The following ARHGEF10 variants were observed in gnomAD, a reference collection of about 807,000 sequenced individuals.
ARHGEF10 encodes the protein Rho guanine nucleotide exchange factor (GEF) 10.
ARHGEF10 carries 140 observed loss-of-function variants against 147.4 expected under a neutral mutation model. The observed-to-expected ratio is 0.95, with a 90% CI of 0.83 to 1.09. The LOEUF (loss-of-function observed/expected upper bound fraction) is 1.09, where lower values mean the gene tolerates loss of function less well. Among genes scored for constraint, ARHGEF10 ranks in the 50% least tolerant of loss-of-function variants. ARHGEF10 has a pLI of 0.00. For missense variants in ARHGEF10, 2,222 were observed against 1,752.7 expected, an observed-to-expected ratio of 1.27 and a Z score of -4.78; for synonymous variants, 902 against 695.8, an observed-to-expected ratio of 1.30 and a Z score of -4.67.
intron 11 of ARHGEF10, among the ~76,000 whole-genome samples, chr8:1,888,176 A>G (rs1336721488): frequency 1.5e-5 from 1 of 65,502 alleles, no homozygotes; most frequent in African/African-American, 1.2e-4. Flanking sequence ...GGAGACAGTG[A>G]GTGGGGTGAG....
rs116509399 is a variant in ARHGEF10 at position 1,883,723 on chromosome 8, G to A, written c.1075+974G>A. ...GTGCAGTAGTATCATGCCCTGATGA[G>A]GTGCCATGAGGTGCTCAGGGCAGCA... On this transcript the variant is annotated intron_variant, in intron 10 of 28. Transcript: ENST00000349830. Among the ~76,000 whole-genome samples, 386 of 152,236 alleles carry A rather than the reference G, an allele frequency of 2.5e-3. 4 individuals are homozygous for A. The highest frequency in any genetic ancestry group is 9.1e-3 in the African/African-American group (377 of 41,546).
chr8:1,860,257 T>C (rs1805995371), intron 4 of ARHGEF10, 73 bp downstream of exon 4: 1 of 1,502,974 alleles, frequency 6.7e-7, no homozygotes, highest in Non-Finnish European at 9.1e-7. Context: ...CGAAGTGGCC[T>C]GTGGTTCCCT....
At chr8:1,932,707 A>G (rs1446790892) in intron 25 of ARHGEF10, among the ~76,000 whole-genome samples, 1 of 152,248 alleles carries the variant, frequency 6.6e-6, no homozygotes, top group Admixed American at 6.5e-5. Context: ...TTATAACTAA[A>G]AGTATGCCAC....
At chr8:1,844,566 G>T (rs1804398655) in intron 2 of ARHGEF10, among the ~76,000 whole-genome samples, 1 of 150,560 alleles carries the variant, frequency 6.6e-6, no homozygotes, top group African/African-American at 2.5e-5. Flanking sequence ...AGGCCTGGAA[G>T]TCCAGCTCCT....
chr8:1,954,259 A>T (rs571351087), intron 28 of ARHGEF10, among the ~76,000 whole-genome samples: 44 of 152,094 alleles, frequency 2.9e-4, no homozygotes, highest in African/African-American at 1.1e-3. Context: ...ATGCCTGGCT[A>T]ATTTTTGTAT....
At chr8:1,845,863 C>T (rs1585245519) in intron 2 of ARHGEF10, among the ~76,000 whole-genome samples, 2 of 152,310 alleles carry the variant, frequency 1.3e-5, no homozygotes, top group Admixed American at 6.5e-5. Context: ...CTGATGGAGG[C>T]AGGACTGGGG....
In ARHGEF10 at chr8:1,929,313, C is replaced by A. The variant is rs1472608716; in HGVS notation, c.2949C>A (p.Gly983=). 6.2e-7 allele frequency: 1 copy of A among 1,614,140 alleles called. No individual in the cohort carries two copies. Among genetic ancestry groups the A allele is most frequent in the South Asian group, 1.1e-5 (1 of 91,082 alleles). ...TTTCCATTTATAAAAGCAGTCAAGG[C>A]TCCAAGAAAGTGAGACTTCAGCACT... ...GSISIYKSSQ[G]SKKVRLQHFF... The change falls in exon 25 of 29, where the codon GGC becomes GGA. Residue 983 remains glycine, a synonymous_variant. Coordinates refer to ENST00000349830, the MANE Select transcript of ARHGEF10 (RefSeq NM_014629.4).
chr8:1,956,793 T>G lies in ARHGEF10; in HGVS notation c.3565T>G (p.Phe1189Val). The G allele has an allele frequency of 6.2e-7, 1 of 1,614,024 alleles. No individual in the cohort carries two copies. The highest frequency in any genetic ancestry group is 2.2e-5 in the East Asian group (1 of 44,850). Residue 1189 changes from phenylalanine to valine, a missense_variant, in exon 29 of 29, where the codon TTC becomes GTC. Transcript: ENST00000349830. ...CCATGCACACAACAGTCCTGTCAAA[T>G]TCATCGTCCTGGCCACGGCTCTGCA... is the stretch of plus-strand genomic sequence containing the variant. ...SYHAHNSPVKFIVLATALHEK... is the reference protein window; with the variant it reads ...SYHAHNSPVKVIVLATALHEK...
At chr8:1,909,704 G>C (rs181561246) in intron 18 of ARHGEF10, among the ~76,000 whole-genome samples, 126 of 152,324 alleles carry the variant, frequency 8.3e-4, no homozygotes, top group African/African-American at 2.9e-3. Context: ...GGTTCGGGCC[G>C]TGCACCTGGC....
At chr8:1,889,766 A>T (rs140533549) in intron 11 of ARHGEF10, among the ~76,000 whole-genome samples, 5 of 127,796 alleles carry the variant, frequency 3.9e-5, no homozygotes, top group Non-Finnish European at 6.4e-5. Flanking sequence ...GAGGGTTGTG[A>T]GGAGACACTG....
rs1812483808 is a variant in ARHGEF10 at position 1,923,886 on chromosome 8, C to G, written c.2488+12C>G. The G allele has an allele frequency of 6.2e-7, 1 of 1,612,518 alleles. No homozygotes were observed. The highest frequency in any genetic ancestry group is 2.2e-5 in the East Asian group (1 of 44,862). Reference sequence around the variant, plus strand: ...CAAGCTCGCCCTAGGTAAGGCCTGGCTGGCTGAGGCTGAATGAGGCATGCG... The same window carrying G: ...CAAGCTCGCCCTAGGTAAGGCCTGGGTGGCTGAGGCTGAATGAGGCATGCG... On this transcript the variant is annotated intron_variant, in intron 21 of 28. Transcript: ENST00000349830.
intron 15 of ARHGEF10, among the ~76,000 whole-genome samples, chr8:1,902,688 C>G (rs1001719410): frequency 2.0e-4 from 30 of 152,070 alleles, no homozygotes; most frequent in African/African-American, 7.2e-4. Flanking sequence ...CGGCCACAGT[C>G]GCAGGAGGGC....
intron 15 of ARHGEF10, among the ~76,000 whole-genome samples, chr8:1,901,681 C>T (rs1810474831): frequency 6.6e-6 from 1 of 152,258 alleles, no homozygotes; most frequent in Non-Finnish European, 1.5e-5. Flanking sequence ...TGTCGGACTC[C>T]ACCCTGTGCT....
At chr8:1,883,674 C>A (rs140670864) in intron 10 of ARHGEF10, among the ~76,000 whole-genome samples, 1 of 152,076 alleles carries the variant, frequency 6.6e-6, no homozygotes, top group African/African-American at 2.4e-5. Context: ...GTGATGGAGA[C>A]GGGCAGGTGC....
chr8:1,956,914 G>A lies in ARHGEF10; in HGVS notation c.3686G>A (p.Gly1229Asp), dbSNP rs144877159. 5.0e-6 allele frequency: 8 copies of A among 1,614,138 alleles called. No individual in the cohort carries two copies. Among genetic ancestry groups the A allele is most frequent in the Non-Finnish European group, 6.8e-6 (8 of 1,180,026 alleles). ...GACGCACTTCCGAGTGGAGGAGCTGGTTCATCTCTGAGCCAGGGTGACCCT... is the reference window on the plus strand; with the variant it reads ...GACGCACTTCCGAGTGGAGGAGCTGATTCATCTCTGAGCCAGGGTGACCCT... ...QKDALPSGGA[G>D]SSLSQGDPDA... The change falls in exon 29 of 29, where the codon GGT (glycine) becomes GAT (aspartate). Residue 1229 changes from glycine (G) to aspartate (D), a missense_variant. Transcript: ENST00000349830.
chr8:1,882,654 C>G lies in ARHGEF10; in HGVS notation c.980C>G (p.Ala327Gly), dbSNP rs1191700821. 6.4e-7 allele frequency: 1 copy of G among 1,554,406 alleles called. No individual in the cohort carries two copies. The highest frequency in any genetic ancestry group is 8.7e-7 in the Non-Finnish European group (1 of 1,148,372). Residue 327 changes from alanine to glycine, a missense_variant, in exon 10 of 29, where the codon GCC becomes GGC. Transcript: ENST00000349830. ...HELKMQKLVK[A>G]AKDGTKDGLE... ...TCGCAGATGCAGAAGCTCGTGAAGG[C>G]CGCGAAGGACGGCACCAAGGACGGG...
intron 1 of ARHGEF10, among the ~76,000 whole-genome samples, chr8:1,831,554 G>A (rs1585200581): frequency 6.9e-6 from 1 of 144,994 alleles, no homozygotes; most frequent in Non-Finnish European, 1.5e-5. Context: ...GGCCGTGGAG[G>A]GACAGTGTGA....
intron 17 of ARHGEF10, among the ~76,000 whole-genome samples, chr8:1,907,239 G>A (rs900319751): frequency 2.5e-4 from 38 of 152,190 alleles, no homozygotes; most frequent in African/African-American, 8.9e-4. Context: ...TCACTTAACA[G>A]TATGGCTTCC....
At chr8:1,841,830 G>T (rs569804788) in intron 1 of ARHGEF10, among the ~76,000 whole-genome samples, 1,592 of 90,222 alleles carry the variant, frequency 0.018, 48 homozygotes, top group African/African-American at 0.049. Flanking sequence ...GGGAACTGGG[G>T]CCGCGACGGG....
Sources: gnomAD v4.1 joint callset for allele counts (sites outside exome capture counted in the v4.1 genomes callset) on GRCh38, gnomAD v4.1.1 for gene constraint, MANE v1.5 for transcripts, NCBI Gene and HGNC (gene_info 2026-07-23, HGNC 2026-07-21) for gene names.